Variants in GPHN observed in about 807,000 individuals in gnomAD.
The protein encoded by GPHN is gephyrin.
Under a neutral mutation model 95.5 loss-of-function variants are expected in GPHN, and 17 were observed. That is an observed-to-expected ratio of 0.18 (90% CI 0.12 to 0.27). GPHN has a LOEUF of 0.27. Ranked by LOEUF, GPHN falls within the 10% of genes least tolerant of loss-of-function variation. GPHN has a pLI of 1.00. For synonymous variants in GPHN, 320 were observed against 322.5 expected (o/e 0.99, Z 0.08); for missense variants, 660 against 978.1 (o/e 0.67, Z 4.34).
chr14:66,616,864 C>T (rs1179368787), intron 1 of GPHN, among the ~76,000 whole-genome samples: 4 of 152,082 alleles, frequency 2.6e-5, no homozygotes, highest in Admixed American at 2.0e-4. Context: ...TGTGCCACCA[C>T]GCCCAGCTAA....
chr14:66,907,849 G>A (rs999335620), intron 5 of GPHN, among the ~76,000 whole-genome samples: 2 of 152,002 alleles, frequency 1.3e-5, no homozygotes, highest in South Asian at 2.1e-4. Flanking sequence ...ATGGCAGGTA[G>A]TGAGACAGGT....
At chr14:67,509,228 T>C in the GPHN span, among the ~76,000 whole-genome samples, 1 of 152,208 alleles carries the variant, frequency 6.6e-6, no homozygotes, top group Non-Finnish European at 1.5e-5. Context: ...TACAGACCTC[T>C]CCTTACTGAA....
chr14:67,088,575 A>G (rs908067544), intron 11 of GPHN, among the ~76,000 whole-genome samples: 2 of 152,206 alleles, frequency 1.3e-5, no homozygotes, highest in African/African-American at 4.8e-5. Flanking sequence ...TGAAATAAAC[A>G]TATACAGAAA....
At chr14:67,629,766 G>A in the GPHN span, among the ~76,000 whole-genome samples, 753 of 152,232 alleles carry the variant, frequency 4.9e-3, 36 homozygotes, top group East Asian at 0.083. Context: ...TGTGAAATGT[G>A]TTCAAGATCC....
chr14:67,646,814 C>T, the GPHN span: 1 of 1,444,946 alleles, frequency 6.9e-7, no homozygotes, highest in East Asian at 2.3e-5. Flanking sequence ...TGATGCTTAA[C>T]TTGGTCTATT....
At chr14:67,007,068 T>C (rs1329384981) in intron 9 of GPHN, among the ~76,000 whole-genome samples, 1 of 152,212 alleles carries the variant, frequency 6.6e-6, no homozygotes, top group Non-Finnish European at 1.5e-5. Context: ...ACTGGTTTCA[T>C]GTTTAAACAA....
At chr14:67,381,915 T>C in the GPHN span, among the ~76,000 whole-genome samples, 2 of 152,172 alleles carry the variant, frequency 1.3e-5, no homozygotes. Flanking sequence ...GAGATTCCTA[T>C]TGGTAGAAAG....
the GPHN span, among the ~76,000 whole-genome samples, chr14:67,242,871 A>G: frequency 6.6e-6 from 1 of 152,236 alleles, no homozygotes. Flanking sequence ...ATTAACATTA[A>G]TTTGTTTTAG....
chr14:67,560,674 C>G, the GPHN span, among the ~76,000 whole-genome samples: 1,065 of 152,130 alleles, frequency 7.0e-3, 12 homozygotes, highest in African/African-American at 0.024. Flanking sequence ...AAAACAACCT[C>G]CTTCTAAATA....
chr14:67,163,843 GTAAT>G lies in GPHN; in HGVS notation c.1911-1314_1911-1311del, dbSNP rs1390630625. Among the ~76,000 whole-genome samples, 7 of 150,660 alleles carry G rather than the reference GTAAT, an allele frequency of 4.6e-5. No homozygotes were observed. The East Asian group carries it at 1.4e-3, about 29-fold the overall frequency. ...TATTAGCTAAAATTCTATATAAAGG[GTAAT>G]TAATAGAAAAAAAAAACACTATTCT... On this transcript the variant is annotated intron_variant, in intron 19 of 22. Coordinates refer to ENST00000478722, the MANE Select transcript of GPHN (RefSeq NM_020806.5).
intron 2 of GPHN, among the ~76,000 whole-genome samples, chr14:66,741,947 T>G (rs1336326406): frequency 6.6e-6 from 1 of 152,236 alleles, no homozygotes; most frequent in African/African-American, 2.4e-5. Flanking sequence ...TCTCCTTGCC[T>G]TGCTATCTTC....
At chr14:67,572,042 G>A in the GPHN span, 3 of 1,495,528 alleles carry the variant, frequency 2.0e-6, no homozygotes, top group Admixed American at 6.1e-5. Context: ...CAGAGACCGG[G>A]TCCCGGGTGG....
chr14:67,676,458 G>A, the GPHN span, among the ~76,000 whole-genome samples: 10 of 152,012 alleles, frequency 6.6e-5, no homozygotes, highest in Admixed American at 2.0e-4. Flanking sequence ...GGGGCCGGGT[G>A]CTGCGGCTCA....
chr14:66,789,061 A>G (rs1387842598), intron 3 of GPHN, among the ~76,000 whole-genome samples: 1 of 152,234 alleles, frequency 6.6e-6, no homozygotes, highest in Non-Finnish European at 1.5e-5. Flanking sequence ...GTGTTCTGAG[A>G]CAACCCTGTT....
chr14:66,635,324 C>T (rs1328273427), intron 1 of GPHN, among the ~76,000 whole-genome samples: 4 of 152,068 alleles, frequency 2.6e-5, no homozygotes, highest in African/African-American at 4.8e-5. Flanking sequence ...AAAAAGAACA[C>T]GTGGGATGAG....
At chr14:67,380,202 CTTAGGAGGGTCAG>C in the GPHN span, among the ~76,000 whole-genome samples, 2 of 152,220 alleles carry the variant, frequency 1.3e-5, no homozygotes, top group African/African-American at 4.8e-5. Context: ...TCCTGTGGCA[CTTAGGAGGGTCAG>C]ATGAAATGCT....
the GPHN span, among the ~76,000 whole-genome samples, chr14:67,541,505 GA>G: frequency 6.6e-6 from 1 of 152,236 alleles, no homozygotes; most frequent in Non-Finnish European, 1.5e-5. Flanking sequence ...CTGTTTAATG[GA>G]TAAGTTTGTT....
intron 1 of GPHN, among the ~76,000 whole-genome samples, chr14:66,580,240 C>T (rs2061099468): frequency 1.3e-5 from 2 of 151,712 alleles, no homozygotes; most frequent in Non-Finnish European, 3.0e-5. Flanking sequence ...AAGTTTATAG[C>T]AACAGATGCC....
chr14:67,279,334 A>G, the GPHN span: 1 of 1,614,024 alleles, frequency 6.2e-7, no homozygotes, highest in Non-Finnish European at 8.5e-7. Context: ...CGAAGTGCAC[A>G]GTTGGAGCGT....
Sources: allele counts gnomAD v4.1 joint callset (sites outside exome capture counted in the v4.1 genomes callset), GRCh38; gene constraint gnomAD v4.1.1; transcripts MANE v1.5; gene names NCBI Gene and HGNC (gene_info 2026-07-23, HGNC 2026-07-21).